ZYG11B: variants seen among roughly 807,000 people sequenced by gnomAD.
ZYG11B encodes protein zyg-11 homolog B.
Under a neutral mutation model 82.4 loss-of-function variants are expected in ZYG11B, and 36 were observed. That is an observed-to-expected ratio of 0.44 (90% CI 0.33 to 0.58). The LOEUF is 0.58. Among genes scored for constraint, ZYG11B ranks in the 20% least tolerant of loss-of-function variants. The pLI is 0.02. For synonymous variants in ZYG11B, 303 were observed against 312.8 expected (o/e 0.97, Z 0.33); for missense variants, 552 against 895.6 (o/e 0.62, Z 4.90).
At chr1:52,755,887 C>A (rs1644571750) in intron 1 of ZYG11B, among the ~76,000 whole-genome samples, 1 of 151,416 alleles carries the variant, frequency 6.6e-6, no homozygotes, top group South Asian at 2.1e-4. Flanking sequence ...ACAACTTCCG[C>A]CTCTTGGATT....
At chr1:52,744,074 C>T (rs897514954) in intron 1 of ZYG11B, among the ~76,000 whole-genome samples, 2 of 152,002 alleles carry the variant, frequency 1.3e-5, no homozygotes, top group South Asian at 2.1e-4. Flanking sequence ...GTAGCTAGGA[C>T]TACAGGCACA....
intron 10 of ZYG11B, among the ~76,000 whole-genome samples, chr1:52,802,683 CA>C (rs1371419463): frequency 1.4e-5 from 2 of 145,686 alleles, no homozygotes; most frequent in South Asian, 2.3e-4. Context: ...GGCGAATGAA[CA>C]AAAAAAGAAA....
Position 52,743,402 on chromosome 1 carries a change from TAAAAAA to T in ZYG11B, c.31-13039_31-13034del, listed in dbSNP as rs71044414. ...ACACCCAAGAATGATCAATAAATAC[TAAAAAA>T]AAAAAAAAAAAAAAAAGTAAAAGTT... On this transcript the variant is annotated intron_variant, in intron 1 of 13. Coordinates refer to ENST00000294353, the MANE Select transcript of ZYG11B (RefSeq NM_024646.3). Among the ~76,000 whole-genome samples, 1,077 of 69,132 alleles carry T rather than the reference TAAAAAA, an allele frequency of 0.016. 67 individuals carry two copies. In the East Asian group the frequency reaches 0.22, roughly 14 times the overall value. The allele number at this position is 69,132 out of a possible 152,430, so 45.4% of individuals were successfully genotyped here. A position where few individuals can be genotyped will look rare whatever the true frequency, so the allele number is the denominator to read the frequency against.
rs1232248742 is a variant in ZYG11B, at chr1:52,803,087, C to CAT, written c.1695+958_1695+959dup. On this transcript the variant is annotated intron_variant, in intron 10 of 13. Transcript: ENST00000294353. ...TTGCCACTATATATATATATATACA[C>CAT]ATATATATATACATATATATATATA... Among the ~76,000 whole-genome samples the CAT allele has an allele frequency of 4.7e-3, 107 of 22,546 alleles. 6 individuals carry two copies. The highest frequency in any genetic ancestry group is 9.5e-3 in the South Asian group (5 of 524). The allele number at this position is 22,546 out of a possible 152,430, so 14.8% of individuals were successfully genotyped here.
At chr1:52,810,088 G>T (rs879890164) in intron 10 of ZYG11B, among the ~76,000 whole-genome samples, 1 of 152,048 alleles carries the variant, frequency 6.6e-6, no homozygotes, top group Non-Finnish European at 1.5e-5. Context: ...TAAACATTTT[G>T]ATCACTTTGA....
Position 52,734,440 on chromosome 1 carries a change from GT to G in ZYG11B, c.30+7768del, listed in dbSNP as rs11394003. On this transcript the variant is annotated intron_variant, in intron 1 of 13. Transcript: ENST00000294353. ...GTCATTATTAACAATGGAATAAAAG[GT>G]TTTTTTTTTTAAAGAGTCTCAATCT... Among the ~76,000 whole-genome samples the G allele has an allele frequency of 8.5e-3, 1,245 of 146,496 alleles. 18 individuals carry two copies. In the Middle Eastern group the frequency reaches 0.13, roughly 15 times the overall value.
At position 52,821,685 on chromosome 1, in the gene ZYG11B, T is replaced by G. The variant is rs1391359428; in HGVS notation, c.*56T>G. 3 of 1,503,316 alleles carry G rather than the reference T, an allele frequency of 2.0e-6. No homozygotes were observed. Among genetic ancestry groups the G allele is most frequent in the South Asian group, 2.5e-5 (2 of 78,510 alleles). 93.1% of individuals were successfully genotyped at this position (1,503,316 alleles called of 1,614,324 possible). On this transcript the variant is annotated 3_prime_UTR_variant, in exon 14 of 14. Transcript: ENST00000294353. ...GGAATCCTTTTTGTGATTGGTCCATTTGGAATATCTTACCCTCCCTGATGT... is the reference window on the plus strand; with the variant it reads ...GGAATCCTTTTTGTGATTGGTCCATGTGGAATATCTTACCCTCCCTGATGT...
chr1:52,734,895 A>C (rs1644365507), intron 1 of ZYG11B, among the ~76,000 whole-genome samples: 1 of 149,768 alleles, frequency 6.7e-6, no homozygotes, highest in South Asian at 2.1e-4. Context: ...TGCTCAGCTA[A>C]TTTTTGTATT....
intron 1 of ZYG11B, among the ~76,000 whole-genome samples, chr1:52,742,961 C>T (rs576060761): frequency 2.3e-3 from 356 of 151,718 alleles, no homozygotes; most frequent in African/African-American, 5.2e-3. Flanking sequence ...CCCGGCCAGC[C>T]GCCCCGTCCG....
Position 52,823,379 on chromosome 1 carries a change from A to G in ZYG11B, c.*1750A>G, listed in dbSNP as rs965375816. On this transcript the variant is annotated 3_prime_UTR_variant, in exon 14 of 14. Transcript: ENST00000294353. ...GACGCTGACTCAAATAAATATCTAA[A>G]TAGATATTTAGAATCACTGAAAACC... is the stretch of plus-strand genomic sequence containing the variant. 4 of 152,064 alleles carry G rather than the reference A, an allele frequency of 2.6e-5. No homozygotes were observed. The highest frequency in any genetic ancestry group is 4.4e-5 in the Non-Finnish European group (3 of 68,042). The allele number at this position is 152,064 out of a possible 1,614,324, so 9.4% of individuals were successfully genotyped here.
At chr1:52,757,691 CAAT>C (rs1558123433) in intron 2 of ZYG11B, among the ~76,000 whole-genome samples, 9 of 151,032 alleles carry the variant, frequency 6.0e-5, no homozygotes, top group East Asian at 2.0e-4. Context: ...AACAAACTAA[CAAT>C]AACAAAAAGC....
At chr1:52,804,343 T>A (rs1645123431) in intron 10 of ZYG11B, among the ~76,000 whole-genome samples, 1 of 152,192 alleles carries the variant, frequency 6.6e-6, no homozygotes, top group Non-Finnish European at 1.5e-5. Context: ...CCGAGTATAG[T>A]GGCTCAAGCC....
chr1:52,817,819 T>G (rs867331313), intron 13 of ZYG11B, among the ~76,000 whole-genome samples: 13 of 8,662 alleles, frequency 1.5e-3, no homozygotes, highest in Non-Finnish European at 3.4e-3. Context: ...ATATATATTT[T>G]TTTTTTTTTT....
intron 10 of ZYG11B, among the ~76,000 whole-genome samples, chr1:52,807,701 G>A (rs1645152607): frequency 6.6e-6 from 1 of 151,908 alleles, no homozygotes; most frequent in Non-Finnish European, 1.5e-5. Context: ...ATGTTGCCCA[G>A]GCTGGTCTTG....
chr1:52,731,738 T>C (rs183077408), intron 1 of ZYG11B, among the ~76,000 whole-genome samples: 2 of 152,134 alleles, frequency 1.3e-5, no homozygotes, highest in East Asian at 1.9e-4. Flanking sequence ...TAAAGTGATA[T>C]TGTGTGTGTG....
At position 52,821,761 on chromosome 1, in the gene ZYG11B, G is replaced by A. The variant is rs1268602329; in HGVS notation, c.*132G>A. On this transcript the variant is annotated 3_prime_UTR_variant, in exon 14 of 14. Coordinates refer to ENST00000294353, the MANE Select transcript of ZYG11B (RefSeq NM_024646.3). The stretch of plus-strand genomic sequence containing the variant: ...ATAAAATCAGTTTGGGATTGATAAT[G>A]TGTAGTACTGCCCATGTGAACAGTC... 2 of 742,304 alleles carry A rather than the reference G, an allele frequency of 2.7e-6. No individual in the cohort carries two copies. Among genetic ancestry groups the A allele is most frequent in the East Asian group, 2.7e-5 (1 of 36,630 alleles). The allele number at this position is 742,304 out of a possible 1,614,324, so 46.0% of individuals were successfully genotyped here.
chr1:52,797,224 T>TA (rs1645026992), intron 8 of ZYG11B, among the ~76,000 whole-genome samples: 1 of 83,360 alleles, frequency 1.2e-5, no homozygotes, highest in Non-Finnish European at 2.0e-5. Flanking sequence ...TATAAATATA[T>TA]ATTATATAAT....
chr1:52,768,575 A>G (rs1038979065), intron 2 of ZYG11B, among the ~76,000 whole-genome samples: 2 of 151,154 alleles, frequency 1.3e-5, no homozygotes, highest in African/African-American at 4.9e-5. Flanking sequence ...TTCTTGCTTT[A>G]ATATACCTAA....
chr1:52,743,338 T>C (rs1644449363), intron 1 of ZYG11B, among the ~76,000 whole-genome samples: 1 of 142,146 alleles, frequency 7.0e-6, no homozygotes, highest in South Asian at 2.2e-4. Context: ...TTCCCTCCAC[T>C]ATTGTCCTAT....
Sources: gnomAD v4.1 joint callset for allele counts (sites outside exome capture counted in the v4.1 genomes callset) on GRCh38, gnomAD v4.1.1 for gene constraint, MANE v1.5 for transcripts, NCBI Gene and HGNC (gene_info 2026-07-23, HGNC 2026-07-21) for gene names.